TBC1D31: variants seen among roughly 807,000 people sequenced by gnomAD.
TBC1D31 encodes the protein TBC1 domain family member 31.
A neutral mutation model predicts 132.9 loss-of-function variants in TBC1D31; 99 were observed. The observed-to-expected ratio is 0.74, with a 90% CI of 0.63 to 0.88. TBC1D31 has a LOEUF of 0.88. TBC1D31 is among the 40% of genes least tolerant of loss of function. The pLI, the probability that TBC1D31 is intolerant of heterozygous loss-of-function variation, is 0.00. For missense variants in TBC1D31, 1,134 were observed against 1,256.6 expected, an observed-to-expected ratio of 0.90 and a Z score of 1.48; for synonymous variants, 385 against 419.4, an observed-to-expected ratio of 0.92 and a Z score of 1.00.
intron 20 of TBC1D31, among the ~76,000 whole-genome samples, chr8:123,146,584 A>T (rs377739228): frequency 1.1e-3 from 160 of 152,146 alleles, no homozygotes; most frequent in African/African-American, 3.1e-3. Context: ...GGACATCTGG[A>T]TTCTTTCCAA....
intron 20 of TBC1D31, 71 bp downstream of exon 20, chr8:123,144,926 A>ATT (rs3080678): frequency 1.1e-3 from 1,262 of 1,138,168 alleles, no homozygotes; most frequent in African/African-American, 3.1e-3. Flanking sequence ...TATTATTATG[A>ATT]TTTTTTTTTT....
intron 2 of TBC1D31, among the ~76,000 whole-genome samples, chr8:123,080,826 C>A (rs542507566): frequency 2.6e-5 from 4 of 152,124 alleles, no homozygotes; most frequent in Non-Finnish European, 5.9e-5. Flanking sequence ...TGAGCCACCG[C>A]ACCTGGCTGA....
At chr8:123,074,834 T>A (rs1311211212) in intron 1 of TBC1D31, 1 of 152,200 alleles carries the variant, frequency 6.6e-6, no homozygotes. Flanking sequence ...GTGGGGAGAA[T>A]CAGATTTACC....
chr8:123,081,944 C>A (rs34298641), intron 2 of TBC1D31, among the ~76,000 whole-genome samples: 1 of 152,114 alleles, frequency 6.6e-6, no homozygotes, highest in African/African-American at 2.4e-5. Context: ...AGAGCCAAAG[C>A]GTATCATATA....
intron 14 of TBC1D31, 93 bp downstream of exon 14, chr8:123,128,606 G>A: frequency 9.9e-7 from 1 of 1,014,824 alleles, no homozygotes; most frequent in Non-Finnish European, 1.5e-6. Flanking sequence ...GCTGAGCGCG[G>A]TGGCTCACGC....
At position 123,072,802 on chromosome 8, in the gene TBC1D31, C is replaced by T. The variant is rs1397151727; in HGVS notation, c.33C>T (p.Ser11=). Residue 11 remains serine, a synonymous_variant, in exon 1 of 22, where the codon AGC becomes AGT. Transcript: ENST00000287380. MQSTDLGNKE[S]GKIWHRKPSP... is the part of the protein sequence containing the mutation. ...GCACTGACCTAGGCAACAAGGAGAGCGGCAAGATATGGCACCGCAAGCCGT... is the reference window on the plus strand; with the variant it reads ...GCACTGACCTAGGCAACAAGGAGAGTGGCAAGATATGGCACCGCAAGCCGT... 10 of 1,574,184 alleles carry T rather than the reference C, an allele frequency of 6.4e-6. No homozygotes were observed. Among genetic ancestry groups the T allele is most frequent in the Non-Finnish European group, 8.6e-6 (10 of 1,160,424 alleles).
intron 7 of TBC1D31, among the ~76,000 whole-genome samples, chr8:123,105,046 A>G (rs749853061): frequency 5.6e-4 from 85 of 152,172 alleles, no homozygotes; most frequent in Non-Finnish European, 1.1e-3. Flanking sequence ...AGGAATAATT[A>G]TATTTATTGC....
At chr8:123,093,511 A>G in intron 4 of TBC1D31, 80 bp from the exon 5 acceptor site, 1 of 952,658 alleles carries the variant, frequency 1.0e-6, no homozygotes. Context: ...ATAAAGAAAA[A>G]TAGACTACTT....
chr8:123,073,059 C>T (rs1240304302), intron 1 of TBC1D31, among the ~76,000 whole-genome samples: 3 of 152,166 alleles, frequency 2.0e-5, no homozygotes, highest in Non-Finnish European at 4.4e-5. Flanking sequence ...TCCGGGACAG[C>T]GCGGAGCAGG....
intron 10 of TBC1D31, among the ~76,000 whole-genome samples, chr8:123,119,638 A>T (rs1475777891): frequency 6.6e-6 from 1 of 152,154 alleles, no homozygotes; most frequent in African/African-American, 2.4e-5. Flanking sequence ...ACTTGAGCCT[A>T]GGAGTTTAAG....
chr8:123,128,867 C>T (rs1820355030), intron 14 of TBC1D31, among the ~76,000 whole-genome samples, 199 bp from the exon 15 acceptor site: 3 of 148,326 alleles, frequency 2.0e-5, no homozygotes, highest in African/African-American at 7.5e-5. Context: ...CAGAGTGAGA[C>T]TTCATCTCAA....
chr8:123,126,150 A>G lies in TBC1D31; in HGVS notation c.1665A>G (p.Glu555=). 1.2e-6 allele frequency: 2 copies of G among 1,612,610 alleles called. No individual in the cohort carries two copies. The highest frequency in any genetic ancestry group is 2.2e-5 in the East Asian group (1 of 44,736). ...ATGTTTTGGCATTTCATGACAAGGA[A>G]CTGCTGCAACACTTCATAGATCATG... The part of the protein sequence containing the change: ...IENVLAFHDK[E]LLQHFIDHDI... The change falls in exon 12 of 22, where the codon GAA becomes GAG. Residue 555 remains glutamate, a synonymous_variant. Coordinates refer to ENST00000287380, the MANE Select transcript of TBC1D31 (RefSeq NM_145647.4).
chr8:123,122,340 T>C (rs1314339604), intron 11 of TBC1D31, among the ~76,000 whole-genome samples: 1 of 152,162 alleles, frequency 6.6e-6, no homozygotes, highest in East Asian at 1.9e-4. Flanking sequence ...CGCAATGGAA[T>C]GTTATCCAGC....
chr8:123,103,897 A>T (rs550701248), intron 7 of TBC1D31: 1 of 152,210 alleles, frequency 6.6e-6, no homozygotes, highest in Non-Finnish European at 1.5e-5. Flanking sequence ...CAGTACCATC[A>T]GTGTCTTTAT....
At chr8:123,134,518 AC>A (rs1820904537) in intron 17 of TBC1D31, among the ~76,000 whole-genome samples, 1 of 151,522 alleles carries the variant, frequency 6.6e-6, no homozygotes, top group Non-Finnish European at 1.5e-5. Context: ...ACAGAGCGAG[AC>A]CCTATCTCCA....
At chr8:123,075,790 G>C (rs1232808654) in intron 1 of TBC1D31, among the ~76,000 whole-genome samples, 1 of 152,032 alleles carries the variant, frequency 6.6e-6, no homozygotes, top group Non-Finnish European at 1.5e-5. Context: ...TTGCAATAAA[G>C]AATGGGATTA....
chr8:123,074,054 C>CA (rs1814220139), intron 1 of TBC1D31, among the ~76,000 whole-genome samples: 1 of 149,950 alleles, frequency 6.7e-6, no homozygotes, highest in South Asian at 2.1e-4. Context: ...TCTCTTGAGA[C>CA]AGAGTCTTGC....
Position 123,120,147 on chromosome 8 carries a change from A to T in TBC1D31, c.1529A>T (p.Asn510Ile), listed in dbSNP as rs144774552. 1.9e-6 allele frequency: 3 copies of T among 1,610,440 alleles called. No individual in the cohort carries two copies. The highest frequency in any genetic ancestry group is 2.7e-5 in the African/African-American group (2 of 74,864). Residue 510 changes from asparagine (N) to isoleucine (I), a missense_variant, in exon 11 of 22, where the codon AAC becomes ATC. Transcript: ENST00000287380. ...TTTCCATTTGTAAAATTATTCCAGA[A>T]CAACCAACTCATCTGTTTTGAAGTT... ...LAFPFVKLFQ[N>I]NQLICFEVIA...
intron 20 of TBC1D31, among the ~76,000 whole-genome samples, chr8:123,147,824 C>T (rs2130960727): frequency 6.6e-6 from 1 of 152,090 alleles, no homozygotes; most frequent in South Asian, 2.1e-4. Context: ...AATCACCTAC[C>T]ATTAAGAAAA....
Sources: allele counts gnomAD v4.1 joint callset (sites outside exome capture counted in the v4.1 genomes callset), GRCh38; gene constraint gnomAD v4.1.1; transcripts MANE v1.5; gene names NCBI Gene and HGNC (gene_info 2026-07-23, HGNC 2026-07-21).